The following SPICE1 variants were observed in gnomAD, a reference collection of about 807,000 sequenced individuals.
SPICE1 encodes spindle and centriole associated protein 1.
Under a neutral mutation model 102.7 loss-of-function variants are expected in SPICE1, and 75 were observed. The ratio of observed to expected loss-of-function variants is 0.73; its 90% CI spans 0.61 to 0.88. The LOEUF (loss-of-function observed/expected upper bound fraction) is 0.88, where lower values mean the gene tolerates loss of function less well. Among genes scored for constraint, SPICE1 ranks in the 40% least tolerant of loss-of-function variants. SPICE1 has a pLI of 0.00. For synonymous variants in SPICE1, 308 were observed against 350.3 expected (o/e 0.88, Z 1.35); for missense variants, 979 against 1,020.1 (o/e 0.96, Z 0.55).
intron 5 of SPICE1, 87 bp downstream of exon 5, chr3:113,493,962 G>T: frequency 1.2e-6 from 1 of 826,908 alleles, no homozygotes; most frequent in Non-Finnish European, 1.9e-6. Flanking sequence ...ATAATATGAT[G>T]CCTAAGAAAG....
chr3:113,487,300 T>G (rs769200707), intron 7 of SPICE1, among the ~76,000 whole-genome samples: 52 of 152,094 alleles, frequency 3.4e-4, no homozygotes, highest in Admixed American at 2.0e-4. Flanking sequence ...AAATGTGGAA[T>G]AAGAAGACCA....
chr3:113,450,460 T>C lies in SPICE1; in HGVS notation c.2199A>G (p.Glu733=). The C allele has an allele frequency of 6.2e-7, 1 of 1,613,992 alleles. No homozygotes were observed. Among genetic ancestry groups the C allele is most frequent in the Non-Finnish European group, 8.5e-7 (1 of 1,180,010 alleles). ...GAGCCTCCATACTTTGTCGATTCAA[T>C]TCTGCAATCCGTTCCTCCATACTAC... The part of the protein sequence containing the change: ...TPGSMEERIA[E]LNRQSMEARG... Residue 733 remains glutamate (E), a synonymous_variant, in exon 15 of 18, where the codon GAA becomes GAG. Transcript: ENST00000295872.
chr3:113,469,336 A>G (rs1387134886), intron 7 of SPICE1, 98 bp from the exon 8 acceptor site: 1 of 311,406 alleles, frequency 3.2e-6, no homozygotes, highest in Non-Finnish European at 4.9e-6. Context: ...ATTTATATTT[A>G]CATTATCTAT....
intron 7 of SPICE1, among the ~76,000 whole-genome samples, chr3:113,475,037 C>A (rs1274617026): frequency 6.6e-6 from 1 of 151,746 alleles, no homozygotes. Context: ...AGACTGCTAG[C>A]AAGATTAATA....
At chr3:113,455,737 T>C (rs1222804706) in intron 13 of SPICE1, among the ~76,000 whole-genome samples, 2 of 152,226 alleles carry the variant, frequency 1.3e-5, no homozygotes, top group African/African-American at 4.8e-5. Flanking sequence ...CAAATACATA[T>C]TCACAAGCAG....
intron 1 of SPICE1, 98 bp downstream of exon 1, chr3:113,514,799 G>C (rs1005502762): frequency 1.0e-5 from 13 of 1,280,230 alleles, no homozygotes; most frequent in Middle Eastern, 2.8e-4. Flanking sequence ...CCAATTACCA[G>C]CTCTGTGCAA....
At chr3:113,464,676 C>A (rs766418416) in intron 11 of SPICE1, among the ~76,000 whole-genome samples, 4 of 152,116 alleles carry the variant, frequency 2.6e-5, no homozygotes, top group African/African-American at 9.7e-5. Flanking sequence ...GTAATAATAA[C>A]CATCATATGA....
intron 16 of SPICE1, among the ~76,000 whole-genome samples, chr3:113,447,178 TCA>T (rs1240896788): frequency 6.6e-6 from 1 of 152,124 alleles, no homozygotes; most frequent in Non-Finnish European, 1.5e-5. Flanking sequence ...CTTCCCAATC[TCA>T]GTTATGTTTT....
intron 1 of SPICE1, among the ~76,000 whole-genome samples, chr3:113,512,112 G>A (rs1365814392): frequency 1.3e-5 from 2 of 152,172 alleles, no homozygotes; most frequent in Non-Finnish European, 2.9e-5. Context: ...TTACAGCTTT[G>A]GAAGACCCTA....
In SPICE1 at chr3:113,480,361, A is replaced by T. The variant is rs1052563625; in HGVS notation, c.611+8584T>A. On this transcript the variant is annotated intron_variant, in intron 7 of 17. Transcript: ENST00000295872. Reference sequence around the variant, plus strand: ...AAAATCTTCCAGATGGTTCTTATGAAATCAAGTACCGCATTGTTACTTCAA... The same window carrying T: ...AAAATCTTCCAGATGGTTCTTATGATATCAAGTACCGCATTGTTACTTCAA... Among the ~76,000 whole-genome samples, 9 of 152,196 alleles carry T rather than the reference A, an allele frequency of 5.9e-5. 1 individual carries two copies. The highest frequency in any genetic ancestry group is 5.9e-4 in the Admixed American group (9 of 15,276).
At chr3:113,464,263 T>G (rs1380084324) in intron 11 of SPICE1, among the ~76,000 whole-genome samples, 2 of 151,056 alleles carry the variant, frequency 1.3e-5, no homozygotes, top group Non-Finnish European at 3.0e-5. Context: ...GTTGTTTTTT[T>G]TTTTTTTTTT....
chr3:113,497,827 T>G (rs913568075), intron 4 of SPICE1, among the ~76,000 whole-genome samples: 1 of 148,516 alleles, frequency 6.7e-6, no homozygotes, highest in Non-Finnish European at 1.5e-5. Context: ...CTCAGCCTCC[T>G]GAGTAGCTGG....
intron 12 of SPICE1, chr3:113,460,278 C>T: frequency 2.1e-6 from 2 of 968,518 alleles, no homozygotes; most frequent in Non-Finnish European, 2.5e-6. Flanking sequence ...TCTAGGTGTC[C>T]AGTTCTGCTA....
chr3:113,472,509 C>T (rs1331525704), intron 7 of SPICE1, among the ~76,000 whole-genome samples: 4 of 152,230 alleles, frequency 2.6e-5, no homozygotes, highest in African/African-American at 7.2e-5. Context: ...CCCTGACCCC[C>T]GAGCAGCCTA....
chr3:113,475,240 G>C (rs1225739067), intron 7 of SPICE1, among the ~76,000 whole-genome samples: 2 of 152,166 alleles, frequency 1.3e-5, no homozygotes, highest in African/African-American at 4.8e-5. Context: ...CCAGGAAGAA[G>C]TTGAATCTCT....
At chr3:113,512,715 T>A (rs527926559) in intron 1 of SPICE1, among the ~76,000 whole-genome samples, 1 of 152,190 alleles carries the variant, frequency 6.6e-6, no homozygotes, top group East Asian at 1.9e-4. Flanking sequence ...CCTCTTCTAT[T>A]CTTTTCTCCT....
chr3:113,451,850 C>T (rs1302959806), intron 14 of SPICE1, among the ~76,000 whole-genome samples: 2 of 152,114 alleles, frequency 1.3e-5, no homozygotes, highest in African/African-American at 4.8e-5. Context: ...CCTTATTCCC[C>T]ATGACCCAGT....
chr3:113,493,202 T>A lies in SPICE1; in HGVS notation c.492+4A>T, dbSNP rs570467214. On this transcript the variant is annotated splice_donor_region_variant and intron_variant, in intron 6 of 17. Transcript: ENST00000295872. ...GTGTTATAGCTGTGAGTGGAACACA[T>A]TACCTGAGGTTCTATGACAGACTCA... 2 of 1,583,652 alleles carry A rather than the reference T, an allele frequency of 1.3e-6. No individual in the cohort carries two copies. The highest frequency in any genetic ancestry group is 2.3e-5 in the South Asian group (2 of 87,068).
intron 7 of SPICE1, among the ~76,000 whole-genome samples, chr3:113,477,275 G>C (rs1446438542): frequency 3.3e-5 from 5 of 152,126 alleles, no homozygotes; most frequent in African/African-American, 1.2e-4. Flanking sequence ...TCATTAAAAA[G>C]TCAGGAAACA....
Sources: gnomAD v4.1 joint callset for allele counts (sites outside exome capture counted in the v4.1 genomes callset) on GRCh38, gnomAD v4.1.1 for gene constraint, MANE v1.5 for transcripts, NCBI Gene and HGNC (gene_info 2026-07-23, HGNC 2026-07-21) for gene names.